Variants in FAM83E observed in about 807,000 individuals in gnomAD.
FAM83E encodes scaffolding CK1 anchoring protein E.
In FAM83E, 29 loss-of-function variants were observed where a neutral mutation model predicts 34.3. The ratio of observed to expected loss-of-function variants is 0.85; its 90% CI spans 0.63 to 1.15. The LOEUF (loss-of-function observed/expected upper bound fraction) is 1.15, where lower values mean the gene tolerates loss of function less well. Among genes scored for constraint, FAM83E ranks in the 50% most tolerant of loss-of-function variants. The pLI is 0.00. For missense variants in FAM83E, 697 were observed against 685.0 expected, an observed-to-expected ratio of 1.02 and a Z score of -0.20; for synonymous variants, 312 against 311.6, an observed-to-expected ratio of 1.00 and a Z score of -0.01.
intron 5 of FAM83E, among the ~76,000 whole-genome samples, chr19:48,605,043 AC>A (rs1973902939): frequency 6.6e-6 from 1 of 150,792 alleles, no homozygotes; most frequent in Non-Finnish European, 1.5e-5. Flanking sequence ...AAAAAAAAAA[AC>A]TTATCTGGAA....
intron 3 of FAM83E, among the ~76,000 whole-genome samples, chr19:48,611,630 G>A (rs1429101718): frequency 1.3e-5 from 2 of 152,116 alleles, no homozygotes; most frequent in African/African-American, 2.4e-5. Context: ...ACCACGCCCG[G>A]CTAATTTTTG....
At chr19:48,606,901 G>A (rs1427862654) in intron 5 of FAM83E, 16 of 1,525,902 alleles carry the variant, frequency 1.0e-5, no homozygotes, top group Non-Finnish European at 1.4e-5. Context: ...AGTCCTCAGA[G>A]GTCCTTCATT....
intron 3 of FAM83E, among the ~76,000 whole-genome samples, chr19:48,611,542 A>G (rs1203046901): frequency 1.3e-5 from 2 of 150,378 alleles, no homozygotes; most frequent in Non-Finnish European, 3.0e-5. Flanking sequence ...ATATCAGCTC[A>G]CTGCAACTTC....
intron 5 of FAM83E, among the ~76,000 whole-genome samples, chr19:48,608,630 G>A (rs914173975): frequency 1.1e-4 from 16 of 150,938 alleles, no homozygotes; most frequent in Admixed American, 6.6e-4. Context: ...ATTTTTAGTA[G>A]AGACAGGGTT....
Position 48,614,386 on chromosome 19 carries a change from A to G in FAM83E, c.-1014T>C. On this transcript the variant is annotated 5_prime_UTR_variant, in exon 3 of 7. Transcript: ENST00000263266. The stretch of plus-strand genomic sequence containing the variant: ...CGTCCTCTGATCTGCGGGGAGCCCT[A>G]CCCAAGCTGCCCCCAGCCTGGTTTC... 1.0e-6 allele frequency: 1 copy of G among 984,464 alleles called. No homozygotes were observed. The highest frequency in any genetic ancestry group is 1.2e-6 in the Non-Finnish European group (1 of 829,696). 61.0% of individuals were successfully genotyped at this position (984,464 alleles called of 1,614,324 possible).
chr19:48,607,553 G>C (rs1480973079), intron 5 of FAM83E: 2 of 681,194 alleles, frequency 2.9e-6, no homozygotes, highest in African/African-American at 3.6e-5. Flanking sequence ...GGGGAGCACG[G>C]CCCGTGGGTT....
intron 6 of FAM83E, among the ~76,000 whole-genome samples, chr19:48,602,829 TTA>T (rs1568417966): frequency 4.0e-3 from 52 of 13,106 alleles, no homozygotes; most frequent in Admixed American, 0.024. Context: ...TTATTGTTTA[TTA>T]TTATTATTAT....
Position 48,603,902 on chromosome 19 carries a change from C to T in FAM83E, c.768G>A (p.Trp256Ter). 6.3e-7 allele frequency: 1 copy of T among 1,595,692 alleles called. No homozygotes were observed. Among genetic ancestry groups the T allele is most frequent in the Non-Finnish European group, 8.5e-7 (1 of 1,171,580 alleles). The stretch of plus-strand genomic sequence containing the variant: ...GGCCTCGGTGCAGGCGTGCGTCACT[C>T]CACGTGAAGCTGGGGGTCGGGGAGT... ...RVISGSYSFTWSDARLHRGLV... is the reference protein window; with the variant it reads ...RVISGSYSFT Residue 256 changes from tryptophan (W) to a stop codon, truncating the protein, a stop_gained, in exon 6 of 7, where the codon TGG becomes TGA. Coordinates refer to ENST00000263266, the MANE Select transcript of FAM83E (RefSeq NM_017708.4). LOFTEE classifies it high-confidence loss of function.
At chr19:48,612,420 A>T (rs12971501) in intron 3 of FAM83E, among the ~76,000 whole-genome samples, 39,013 of 140,508 alleles carry the variant, frequency 0.28, 5,626 homozygotes, top group East Asian at 0.49. Flanking sequence ...TTTTTTTTTT[A>T]TTGAGATGGA....
chr19:48,614,282 T>C lies in FAM83E; in HGVS notation c.-910A>G, dbSNP rs1352894777. On this transcript the variant is annotated 5_prime_UTR_variant, in exon 3 of 7. Coordinates refer to ENST00000263266, the MANE Select transcript of FAM83E (RefSeq NM_017708.4). ...CTATGATCTTCACAGCCCATCTAGGTGTGAGTGCCACCTAACCAGCCACCC... is the reference window on the plus strand; with the variant it reads ...CTATGATCTTCACAGCCCATCTAGGCGTGAGTGCCACCTAACCAGCCACCC... 5.1e-6 allele frequency: 5 copies of C among 985,428 alleles called. No individual in the cohort carries two copies. The African/African-American group carries it at 8.7e-5, about 17-fold the overall frequency. 61.0% of individuals were successfully genotyped at this position (985,428 alleles called of 1,614,324 possible).
At chr19:48,606,712 G>A in intron 5 of FAM83E, 1 of 510,452 alleles carries the variant, frequency 2.0e-6, no homozygotes, top group East Asian at 3.2e-5. Context: ...AGCGGCCAGT[G>A]GGAACCCTGA....
chr19:48,614,790 C>T lies in FAM83E; in HGVS notation c.-1338G>A. ...AACGTAGGCTGTGGCTCCCCGGCTTCTACTTCTGCGGTGCTTCCCGGCTTC... is the reference window on the plus strand; with the variant it reads ...AACGTAGGCTGTGGCTCCCCGGCTTTTACTTCTGCGGTGCTTCCCGGCTTC... On this transcript the variant is annotated 5_prime_UTR_variant, in exon 2 of 7. An upstream open reading frame in the 5' UTR loses its in-frame stop. Transcript: ENST00000263266. 1 of 983,770 alleles carries T rather than the reference C, an allele frequency of 1.0e-6. No homozygotes were observed. Among genetic ancestry groups the T allele is most frequent in the African/African-American group, 1.7e-5 (1 of 57,230 alleles). 60.9% of individuals were successfully genotyped at this position (983,770 alleles called of 1,614,324 possible). A position where few individuals can be genotyped will look rare whatever the true frequency, so the allele number is the denominator to read the frequency against.
At position 48,614,402 on chromosome 19, in the gene FAM83E, G is replaced by C. The variant is rs1433431194; in HGVS notation, c.-1030C>G. 4 of 985,470 alleles carry C rather than the reference G, an allele frequency of 4.1e-6. No individual in the cohort carries two copies. The highest frequency in any genetic ancestry group is 3.6e-6 in the Non-Finnish European group (3 of 830,094). 61.0% of individuals were successfully genotyped at this position (985,470 alleles called of 1,614,324 possible). On this transcript the variant is annotated 5_prime_UTR_variant, in exon 3 of 7. Coordinates refer to ENST00000263266, the MANE Select transcript of FAM83E (RefSeq NM_017708.4). Reference sequence around the variant, plus strand: ...GGGAGCCCTACCCAAGCTGCCCCCAGCCTGGTTTCTGCCTAAATGCTATCT... The same window carrying C: ...GGGAGCCCTACCCAAGCTGCCCCCACCCTGGTTTCTGCCTAAATGCTATCT...
chr19:48,614,878 G>A (rs1029214858), intron 1 of FAM83E, 39 bp from the exon 2 acceptor site: 1 of 852,906 alleles, frequency 1.2e-6, no homozygotes, highest in Non-Finnish European at 1.4e-6. Flanking sequence ...GTAAACACAG[G>A]AGGGCCCCCA....
In FAM83E at chr19:48,600,165, C is replaced by A. The variant is rs1973787928; in HGVS notation, c.*944G>T. On this transcript the variant is annotated 3_prime_UTR_variant, in exon 7 of 7. Coordinates refer to ENST00000263266, the MANE Select transcript of FAM83E (RefSeq NM_017708.4). The stretch of plus-strand genomic sequence containing the variant: ...TGCCTGGCAGCGACTCCCCATCTTC[C>A]CCTCCACAGCTCTAGCAGCTCTAGC... Among the ~76,000 whole-genome samples, 2 of 152,192 alleles carry A rather than the reference C, an allele frequency of 1.3e-5. No individual in the cohort carries two copies. The highest frequency in any genetic ancestry group is 4.1e-4 in the South Asian group (2 of 4,832).
At position 48,600,269 on chromosome 19, in the gene FAM83E, T is replaced by C. The variant is rs902943976; in HGVS notation, c.*840A>G. Among the ~76,000 whole-genome samples, 7 of 152,222 alleles carry C rather than the reference T, an allele frequency of 4.6e-5. No individual in the cohort carries two copies. The highest frequency in any genetic ancestry group is 2.1e-4 in the South Asian group (1 of 4,830). On this transcript the variant is annotated 3_prime_UTR_variant, in exon 7 of 7. Coordinates refer to ENST00000263266, the MANE Select transcript of FAM83E (RefSeq NM_017708.4). ...TGTGTCTTCTTTAGGATCCGCTGCCTGGGGACGCTGCCAGCCCATCTTCTG... is the reference window on the plus strand; with the variant it reads ...TGTGTCTTCTTTAGGATCCGCTGCCCGGGGACGCTGCCAGCCCATCTTCTG...
chr19:48,602,486 C>G (rs549031603), intron 6 of FAM83E, among the ~76,000 whole-genome samples: 1 of 150,520 alleles, frequency 6.6e-6, no homozygotes, highest in Admixed American at 6.7e-5. Flanking sequence ...GGGGAGGAAC[C>G]GGAAGCGCCG....
At chr19:48,605,335 G>T (rs944527972) in intron 5 of FAM83E, among the ~76,000 whole-genome samples, 5 of 152,140 alleles carry the variant, frequency 3.3e-5, no homozygotes, top group African/African-American at 1.2e-4. Context: ...CACTTTGGGA[G>T]GCCGAGGCAG....
chr19:48,602,400 G>A (rs373738835), intron 6 of FAM83E, among the ~76,000 whole-genome samples: 1 of 151,248 alleles, frequency 6.6e-6, no homozygotes, highest in Non-Finnish European at 1.5e-5. Context: ...GAGAGGGAAG[G>A]GGGGAAGTGA....
Sources: gnomAD v4.1 joint callset for allele counts (sites outside exome capture counted in the v4.1 genomes callset) on GRCh38, gnomAD v4.1.1 for gene constraint, MANE v1.5 for transcripts, NCBI Gene and HGNC (gene_info 2026-07-23, HGNC 2026-07-21) for gene names.